DIAPH3: variants seen among roughly 807,000 people sequenced by gnomAD.
DIAPH3 encodes diaphanous related formin 3.
In DIAPH3, 117 loss-of-function variants were observed where a neutral mutation model predicts 144.3. That is an observed-to-expected ratio of 0.81 (90% CI 0.70 to 0.95). The LOEUF (loss-of-function observed/expected upper bound fraction) is 0.95. DIAPH3 is among the 40% of genes least tolerant of loss of function. The pLI is 0.00. For synonymous variants in DIAPH3, 519 were observed against 488.9 expected, an observed-to-expected ratio of 1.06 and a Z score of -0.81; for missense variants, 1,421 against 1,412.7, an observed-to-expected ratio of 1.01 and a Z score of -0.09.
chr13:59,706,509 C>T (rs986214174), intron 27 of DIAPH3, among the ~76,000 whole-genome samples: 6 of 152,108 alleles, frequency 3.9e-5, no homozygotes, highest in African/African-American at 1.2e-4. Flanking sequence ...ATATAAGCTA[C>T]GAAACTGAAA....
At chr13:60,056,006 T>C (rs1439283898) in intron 4 of DIAPH3, among the ~76,000 whole-genome samples, 3 of 151,616 alleles carry the variant, frequency 2.0e-5, no homozygotes, top group Non-Finnish European at 4.4e-5. Flanking sequence ...ATGAGAAATA[T>C]TAATATCAGA....
intron 27 of DIAPH3, among the ~76,000 whole-genome samples, chr13:59,724,840 G>C (rs2035528924): frequency 1.3e-5 from 2 of 152,144 alleles, no homozygotes; most frequent in Non-Finnish European, 2.9e-5. Context: ...TCTTCTATAA[G>C]TTCAAAATTT....
chr13:59,901,474 C>A (rs1025104830), intron 20 of DIAPH3, among the ~76,000 whole-genome samples: 1 of 152,190 alleles, frequency 6.6e-6, no homozygotes, highest in Non-Finnish European at 1.5e-5. Context: ...GAAAGTCCTT[C>A]CTAACCACAC....
chr13:60,042,299 T>C (rs986050901), intron 5 of DIAPH3, among the ~76,000 whole-genome samples: 1 of 152,192 alleles, frequency 6.6e-6, no homozygotes, highest in Admixed American at 6.5e-5. Context: ...AACGACATCA[T>C]TTCCAACAAC....
At chr13:60,075,273 T>C (rs992507352) in intron 4 of DIAPH3, among the ~76,000 whole-genome samples, 10 of 152,196 alleles carry the variant, frequency 6.6e-5, no homozygotes, top group African/African-American at 2.4e-4. Context: ...TTCTTCCTAT[T>C]GGGTTGTTCA....
chr13:59,817,006 AT>A (rs1032191097), intron 24 of DIAPH3, among the ~76,000 whole-genome samples: 13 of 151,852 alleles, frequency 8.6e-5, no homozygotes, highest in Non-Finnish European at 1.6e-4. Flanking sequence ...TGTTTTTAGA[AT>A]TTTCAAACTA....
In DIAPH3 at chr13:59,806,241, T is replaced by C. The variant is rs144699745; in HGVS notation, c.3163+4547A>G. Among the ~76,000 whole-genome samples the C allele has an allele frequency of 1.4e-3, 207 of 152,128 alleles. 1 individual carries two copies. The highest frequency in any genetic ancestry group is 4.8e-3 in the African/African-American group (199 of 41,560). ...AAATTCAATAATTCACCCTTCCACA[T>C]TCTTTTAAGGCTGAGAAAGTCGGGC... On this transcript the variant is annotated intron_variant, in intron 25 of 27. Coordinates refer to ENST00000400324, the MANE Select transcript of DIAPH3 (RefSeq NM_001042517.2).
chr13:59,913,981 A>G (rs1458943405), intron 19 of DIAPH3, among the ~76,000 whole-genome samples: 1 of 152,106 alleles, frequency 6.6e-6, no homozygotes, highest in Non-Finnish European at 1.5e-5. Context: ...GTAATAAAAC[A>G]TAAAAATTAT....
intron 27 of DIAPH3, among the ~76,000 whole-genome samples, chr13:59,681,524 A>G (rs2032947441): frequency 6.6e-6 from 1 of 152,124 alleles, no homozygotes; most frequent in South Asian, 2.1e-4. Flanking sequence ...ACAATCCACA[A>G]ATAAGGAACT....
At chr13:60,061,860 C>T (rs767897917) in intron 4 of DIAPH3, among the ~76,000 whole-genome samples, 5 of 151,968 alleles carry the variant, frequency 3.3e-5, no homozygotes, top group Non-Finnish European at 7.4e-5. Flanking sequence ...GCCTTAACTC[C>T]GGGGGGTGAG....
At chr13:59,840,192 A>G (rs1303351934) in intron 22 of DIAPH3, among the ~76,000 whole-genome samples, 1 of 152,198 alleles carries the variant, frequency 6.6e-6, no homozygotes, top group Non-Finnish European at 1.5e-5. Context: ...AAGAAGATAG[A>G]GTGACCTAAA....
intron 5 of DIAPH3, among the ~76,000 whole-genome samples, chr13:60,029,270 A>C (rs889180565): frequency 6.6e-5 from 10 of 151,578 alleles, no homozygotes; most frequent in Non-Finnish European, 8.8e-5. Flanking sequence ...ACATTCACCC[A>C]CCCCTTGGCC....
intron 27 of DIAPH3, among the ~76,000 whole-genome samples, chr13:59,722,547 T>G (rs2035395149): frequency 1.3e-5 from 2 of 152,200 alleles, no homozygotes; most frequent in Non-Finnish European, 2.9e-5. Context: ...CTTGCAAGTG[T>G]GACTGTGGAA....
intron 3 of DIAPH3, among the ~76,000 whole-genome samples, chr13:60,108,252 G>A (rs776797115): frequency 6.6e-6 from 1 of 152,160 alleles, no homozygotes; most frequent in Non-Finnish European, 1.5e-5. Context: ...GCAGGTTTAA[G>A]GAATCCTTAA....
chr13:59,711,701 A>C (rs1374688643), intron 27 of DIAPH3, among the ~76,000 whole-genome samples: 2 of 152,256 alleles, frequency 1.3e-5, no homozygotes, highest in Non-Finnish European at 2.9e-5. Flanking sequence ...CAGAGAACTT[A>C]ATAATTTTTG....
At chr13:59,891,258 A>G (rs1001454745) in intron 20 of DIAPH3, among the ~76,000 whole-genome samples, 22 of 152,058 alleles carry the variant, frequency 1.4e-4, no homozygotes, top group African/African-American at 5.1e-4. Context: ...ATAACTACAA[A>G]ATGCTTTAGG....
rs895858905 is a variant in DIAPH3 at position 60,000,556 on chromosome 13, G to C, written c.1015-7973C>G. 2.0e-5 allele frequency among the ~76,000 whole-genome samples: 3 copies of C among 151,790 alleles called. No homozygotes were observed. The East Asian group carries it at 5.8e-4, about 29-fold the overall frequency. ...GAAGGACAACATAAACCCAGCTATTGGTATTATATCTAAAGAGTATACTAA... is the reference window on the plus strand; with the variant it reads ...GAAGGACAACATAAACCCAGCTATTCGTATTATATCTAAAGAGTATACTAA... On this transcript the variant is annotated intron_variant, in intron 9 of 27. Transcript: ENST00000400324.
At chr13:60,151,806 A>ACCGT (rs1951801755) in intron 1 of DIAPH3, among the ~76,000 whole-genome samples, 1 of 152,180 alleles carries the variant, frequency 6.6e-6, no homozygotes, top group Non-Finnish European at 1.5e-5. Flanking sequence ...TTAATTGGAG[A>ACCGT]CCGTCACCTT....
intron 27 of DIAPH3, among the ~76,000 whole-genome samples, chr13:59,714,025 G>A (rs2034892924): frequency 1.3e-5 from 2 of 152,160 alleles, no homozygotes; most frequent in African/African-American, 4.8e-5. Flanking sequence ...AGACCAGCCT[G>A]AGTAACACAG....
Sources: allele counts gnomAD v4.1 joint callset (sites outside exome capture counted in the v4.1 genomes callset), GRCh38; gene constraint gnomAD v4.1.1; transcripts MANE v1.5; gene names NCBI Gene and HGNC (gene_info 2026-07-23, HGNC 2026-07-21).